The following WDFY4 variants were observed in gnomAD, a reference collection of about 807,000 sequenced individuals.
WDFY4 encodes the protein WDFY family member 4.
In WDFY4, 169 loss-of-function variants were observed where a neutral mutation model predicts 351.9. The observed-to-expected ratio is 0.48, with a 90% CI of 0.42 to 0.55. The LOEUF (loss-of-function observed/expected upper bound fraction) is 0.55. WDFY4 is among the 20% of genes least tolerant of loss of function. The pLI, the probability that WDFY4 is intolerant of heterozygous loss-of-function variation, is 0.00. For missense variants in WDFY4, 3,803 were observed against 3,935.6 expected, an observed-to-expected ratio of 0.97 and a Z score of 0.90; for synonymous variants, 1,622 against 1,574.6, an observed-to-expected ratio of 1.03 and a Z score of -0.71.
intron 56 of WDFY4, among the ~76,000 whole-genome samples, chr10:48,969,461 G>T (rs74130420): frequency 0.011 from 1,646 of 152,282 alleles, 25 homozygotes; most frequent in African/African-American, 0.036. Context: ...TTGCAAGTTG[G>T]CAGTGTATAC....
intron 44 of WDFY4, 94 bp from the exon 45 acceptor site, chr10:48,897,360 G>A: frequency 6.7e-7 from 1 of 1,482,586 alleles, no homozygotes; most frequent in South Asian, 1.3e-5. Context: ...GGAAATGTGG[G>A]TGGAGCTGGT....
At position 48,974,567 on chromosome 10, in the gene WDFY4, A is replaced by T. The variant is rs1234535354; in HGVS notation, c.8929-295A>T. 6.6e-5 allele frequency among the ~76,000 whole-genome samples: 9 copies of T among 136,682 alleles called. No homozygotes were observed. The Admixed American group carries it at 7.2e-4, about 11-fold the overall frequency. 89.7% of individuals were successfully genotyped at this position (136,682 alleles called of 152,430 possible). A position where few individuals can be genotyped will look rare whatever the true frequency, so the allele number is the denominator to read the frequency against. ...TGAACTGCTCCCGGGTTCAAGATAG[A>T]TGTAGGGCAGCACAAAACATCCAGG... On this transcript the variant is annotated intron_variant, in intron 57 of 61. Coordinates refer to ENST00000325239, the MANE Select transcript of WDFY4 (RefSeq NM_001394531.1).
chr10:48,789,957 C>A lies in WDFY4; in HGVS notation c.4038C>A (p.Thr1346=). Residue 1346 remains threonine (T), a synonymous_variant, in exon 22 of 62, where the codon ACC becomes ACA. Coordinates refer to ENST00000325239, the MANE Select transcript of WDFY4 (RefSeq NM_001394531.1). ...GCCACCTGTCAGGGTCTCTGCGGAC[C>A]ATTGGAGCTGTTGCTGTGGGTCAAT... ...CAGHLSGSLR[T]IGAVAVGQLG... The A allele has an allele frequency of 2.6e-6, 4 of 1,552,388 alleles. No individual in the cohort carries two copies. Among genetic ancestry groups the A allele is most frequent in the Non-Finnish European group, 3.5e-6 (4 of 1,147,146 alleles).
At chr10:48,890,472 C>T (rs2070647488) in intron 43 of WDFY4, 107 bp from the exon 44 acceptor site, 1 of 1,364,224 alleles carries the variant, frequency 7.3e-7, no homozygotes, top group East Asian at 2.5e-5. Context: ...GCACTGCTCT[C>T]ACCTCCAATT....
intron 25 of WDFY4, among the ~76,000 whole-genome samples, 186 bp from the exon 26 acceptor site, chr10:48,805,074 C>T (rs1433147200): frequency 6.6e-6 from 1 of 152,030 alleles, no homozygotes; most frequent in Non-Finnish European, 1.5e-5. Flanking sequence ...CACACCCGAG[C>T]GACTCTGGCA....
At chr10:48,732,181 G>A (rs114574383) in intron 9 of WDFY4, among the ~76,000 whole-genome samples, 79 of 152,304 alleles carry the variant, frequency 5.2e-4, no homozygotes, top group African/African-American at 1.8e-3. Context: ...GTGGCTCAGG[G>A]GTTGGGCTCT....
intron 23 of WDFY4, among the ~76,000 whole-genome samples, chr10:48,791,843 G>A (rs1317561607): frequency 6.6e-6 from 1 of 152,106 alleles, no homozygotes; most frequent in Non-Finnish European, 1.5e-5. Flanking sequence ...CTGTGTGATG[G>A]CCTTCTGGGC....
At chr10:48,974,652 C>G (rs1005759666) in intron 57 of WDFY4, among the ~76,000 whole-genome samples, 2 of 151,978 alleles carry the variant, frequency 1.3e-5, no homozygotes, top group Non-Finnish European at 2.9e-5. Flanking sequence ...GCAGAGCCTC[C>G]ACCCCTGGAG....
In WDFY4 at chr10:48,810,738, G is replaced by A. The variant is rs901640368; in HGVS notation, c.5044+3G>A. 6.6e-6 allele frequency: 10 copies of A among 1,522,898 alleles called. No homozygotes were observed. Among genetic ancestry groups the A allele is most frequent in the Non-Finnish European group, 8.8e-6 (10 of 1,132,166 alleles). 94.3% of individuals were successfully genotyped at this position (1,522,898 alleles called of 1,614,324 possible). The stretch of plus-strand genomic sequence containing the variant: ...TGAGGGCGTGGATATTGTAATGGGT[G>A]AGCACGTGGCTGTCTCCAGGGAGTG... On this transcript the variant is annotated splice_donor_region_variant and intron_variant, in intron 29 of 61. Coordinates refer to ENST00000325239, the MANE Select transcript of WDFY4 (RefSeq NM_001394531.1).
intron 34 of WDFY4, among the ~76,000 whole-genome samples, chr10:48,821,509 C>T (rs1289561222): frequency 1.3e-5 from 2 of 152,238 alleles, no homozygotes; most frequent in African/African-American, 2.4e-5. Context: ...ATTTAACCTT[C>T]CGTGCTCAGC....
At chr10:48,690,981 C>T (rs2063178263) in intron 1 of WDFY4, among the ~76,000 whole-genome samples, 3 of 152,192 alleles carry the variant, frequency 2.0e-5, no homozygotes, top group Admixed American at 1.3e-4. Flanking sequence ...CCACTCCACC[C>T]AGGAGCCTAT....
At chr10:48,822,314 C>T in intron 34 of WDFY4, 66 bp from the exon 35 acceptor site, 1 of 1,452,760 alleles carries the variant, frequency 6.9e-7, no homozygotes, top group Non-Finnish European at 9.1e-7. Context: ...CTACAGGGGG[C>T]TTGGAGATTG....
chr10:48,874,885 T>C (rs1181669893), intron 41 of WDFY4, among the ~76,000 whole-genome samples: 4 of 152,326 alleles, frequency 2.6e-5, no homozygotes, highest in Non-Finnish European at 5.9e-5. Flanking sequence ...GTGGGTTTTT[T>C]CCCCTTTGAC....
At chr10:48,848,674 C>T (rs1031944891) in intron 39 of WDFY4, among the ~76,000 whole-genome samples, 7 of 152,256 alleles carry the variant, frequency 4.6e-5, no homozygotes, top group African/African-American at 1.4e-4. Context: ...ACTTGGGAAG[C>T]CCTGAATCAT....
Position 48,729,528 on chromosome 10 carries a change from G to A in WDFY4, c.1068G>A (p.Lys356=), listed in dbSNP as rs151002695. The change falls in exon 8 of 62, where the codon AAG becomes AAA. Residue 356 remains lysine (K), a synonymous_variant. Coordinates refer to ENST00000325239, the MANE Select transcript of WDFY4 (RefSeq NM_001394531.1). ...WLTTCGRSEL[K]VFDSITYPQL... is the part of the protein sequence containing the mutation. ...CAACCTGTGGGAGGTCAGAGCTGAA[G>A]GTGTTTGACAGCATCACTTACCCTC... 1 of 1,551,738 alleles carries A rather than the reference G, an allele frequency of 6.4e-7. No individual in the cohort carries two copies. Among genetic ancestry groups the A allele is most frequent in the Non-Finnish European group, 8.7e-7 (1 of 1,147,002 alleles).
chr10:48,917,753 A>G (rs1403934583), intron 47 of WDFY4, among the ~76,000 whole-genome samples: 1 of 152,232 alleles, frequency 6.6e-6, no homozygotes, highest in Non-Finnish European at 1.5e-5. Context: ...TTCAGGTGAA[A>G]GGGAAACTAT....
chr10:48,941,621 G>T (rs1032483672), intron 47 of WDFY4, among the ~76,000 whole-genome samples, 185 bp from the exon 48 acceptor site: 1 of 152,200 alleles, frequency 6.6e-6, no homozygotes, highest in African/African-American at 2.4e-5. Context: ...GCAGGCCAGG[G>T]TGGGGCAAGA....
At chr10:48,920,880 A>G (rs73296630) in intron 47 of WDFY4, among the ~76,000 whole-genome samples, 1,977 of 152,332 alleles carry the variant, frequency 0.013, 37 homozygotes, top group African/African-American at 0.044. Context: ...ACAATTGGAA[A>G]CTGAATTATG....
intron 12 of WDFY4, 70 bp downstream of exon 12, chr10:48,743,618 G>A: frequency 6.9e-7 from 1 of 1,453,988 alleles, no homozygotes; most frequent in East Asian, 2.5e-5. Context: ...TCTTGCGCAT[G>A]TGTACTCAGT....
Sources: gnomAD v4.1 joint callset for allele counts (sites outside exome capture counted in the v4.1 genomes callset) on GRCh38, gnomAD v4.1.1 for gene constraint, MANE v1.5 for transcripts, NCBI Gene and HGNC (gene_info 2026-07-23, HGNC 2026-07-21) for gene names.